The following AVL9 variants were observed in gnomAD, a reference collection of about 807,000 sequenced individuals.
AVL9 encodes AVL9 cell migration associated.
AVL9 carries 49 observed loss-of-function variants against 79.2 expected under a neutral mutation model. That is an observed-to-expected ratio of 0.62 (90% CI 0.49 to 0.79). AVL9 has a LOEUF of 0.79. Ranked by LOEUF, AVL9 falls within the 30% of genes least tolerant of loss-of-function variation. The pLI, the probability that AVL9 is intolerant of heterozygous loss-of-function variation, is 0.00. For missense variants in AVL9, 682 were observed against 776.8 expected, an observed-to-expected ratio of 0.88 and a Z score of 1.45; for synonymous variants, 299 against 280.6, an observed-to-expected ratio of 1.07 and a Z score of -0.65.
At chr7:32,568,205 A>AT (rs66792161) in intron 10 of AVL9, among the ~76,000 whole-genome samples, 32,188 of 143,418 alleles carry the variant, frequency 0.22, 4,626 homozygotes, top group African/African-American at 0.42. Context: ...TTATTTATTT[A>AT]TTTTTTTTTT....
intron 1 of AVL9, among the ~76,000 whole-genome samples, chr7:32,503,367 T>TACACACACACACACACACAC (rs1278670017): frequency 0.021 from 1,826 of 88,072 alleles, 63 homozygotes; most frequent in Non-Finnish European, 0.028. Flanking sequence ...GAGAGATATA[T>TACACACACACACACACACAC]ATATATACAC....
chr7:32,526,911 C>T (rs1788424543), intron 1 of AVL9, among the ~76,000 whole-genome samples: 1 of 152,100 alleles, frequency 6.6e-6, no homozygotes, highest in African/African-American at 2.4e-5. Flanking sequence ...AGGCTCCTCC[C>T]CACTGCGGCA....
chr7:32,585,269 T>A lies in AVL9; in HGVS notation c.*1362T>A, dbSNP rs934280419. ...GTAAGTATTAAATAGAAATCTCATC[T>A]TAGTTTATATTCAGCAAAGTAAGAG... is the stretch of plus-strand genomic sequence containing the variant. On this transcript the variant is annotated 3_prime_UTR_variant, in exon 16 of 16. Coordinates refer to ENST00000318709, the MANE Select transcript of AVL9 (RefSeq NM_015060.3). 6.6e-6 allele frequency: 1 copy of A among 152,198 alleles called. No individual in the cohort carries two copies. Among genetic ancestry groups the A allele is most frequent in the Non-Finnish European group, 1.5e-5 (1 of 68,040 alleles). 9.4% of individuals were successfully genotyped at this position (152,198 alleles called of 1,614,324 possible). A position where few individuals can be genotyped will look rare whatever the true frequency, so the allele number is the denominator to read the frequency against.
chr7:32,552,684 A>T (rs1260500886), intron 6 of AVL9, among the ~76,000 whole-genome samples: 1 of 152,062 alleles, frequency 6.6e-6, no homozygotes, highest in Non-Finnish European at 1.5e-5. Flanking sequence ...CTGGGACCAC[A>T]GGTGCATGCC....
chr7:32,522,997 C>T (rs971086817), intron 1 of AVL9, among the ~76,000 whole-genome samples: 1 of 151,986 alleles, frequency 6.6e-6, no homozygotes, highest in Admixed American at 6.6e-5. Context: ...CCTCCCCAGC[C>T]ATGTGGAACT....
At chr7:32,580,947 C>CT in intron 15 of AVL9, 57 bp downstream of exon 15, 1 of 1,224,102 alleles carries the variant, frequency 8.2e-7, no homozygotes, top group Non-Finnish European at 1.2e-6. Flanking sequence ...CATTTTCTAT[C>CT]TTTAATATGT....
chr7:32,513,425 T>C (rs947246780), intron 1 of AVL9, among the ~76,000 whole-genome samples: 1 of 152,238 alleles, frequency 6.6e-6, no homozygotes, highest in African/African-American at 2.4e-5. Flanking sequence ...TTCATCTGCA[T>C]GATAAAACCT....
rs1299317526 is a variant in AVL9 at position 32,586,500 on chromosome 7, T to C, written c.*2593T>C. 2 of 148,056 alleles carry C rather than the reference T, an allele frequency of 1.4e-5. No individual in the cohort carries two copies. Among genetic ancestry groups the C allele is most frequent in the Non-Finnish European group, 3.0e-5 (2 of 66,934 alleles). 9.2% of individuals were successfully genotyped at this position (148,056 alleles called of 1,614,324 possible). ...CACACACACATACTTCAGGCTTGGA[T>C]TCTAGGCTCCAAGTGGCCAGCATAG... On this transcript the variant is annotated 3_prime_UTR_variant, in exon 16 of 16. Transcript: ENST00000318709.
intron 1 of AVL9, among the ~76,000 whole-genome samples, chr7:32,517,842 T>G (rs1787975510): frequency 6.6e-6 from 1 of 151,924 alleles, no homozygotes; most frequent in Non-Finnish European, 1.5e-5. Flanking sequence ...TTTGTTTTGT[T>G]TTTTTTTGAA....
intron 1 of AVL9, among the ~76,000 whole-genome samples, chr7:32,517,296 TC>T (rs1210002909): frequency 6.6e-6 from 1 of 151,396 alleles, no homozygotes. Context: ...AATCTTTTTT[TC>T]TTTTTCTTTT....
At chr7:32,553,696 T>C in intron 6 of AVL9, 31 bp from the exon 7 acceptor site, 1 of 1,584,512 alleles carries the variant, frequency 6.3e-7, no homozygotes, top group South Asian at 1.1e-5. Context: ...TACATTGTAG[T>C]CACACTTGAG....
At chr7:32,543,645 A>C (rs1423361682) in intron 2 of AVL9, among the ~76,000 whole-genome samples, 1 of 152,178 alleles carries the variant, frequency 6.6e-6, no homozygotes, top group East Asian at 1.9e-4. Flanking sequence ...TCCAGTGCCC[A>C]CCTTAGAAAC....
chr7:32,561,926 A>T (rs1251823504), intron 10 of AVL9, among the ~76,000 whole-genome samples: 1 of 152,200 alleles, frequency 6.6e-6, no homozygotes, highest in Non-Finnish European at 1.5e-5. Context: ...GCCTGAGGAC[A>T]GGGGAAGAGA....
intron 1 of AVL9, among the ~76,000 whole-genome samples, chr7:32,513,817 G>T (rs970494032): frequency 6.6e-6 from 1 of 152,214 alleles, no homozygotes; most frequent in Admixed American, 6.5e-5. Context: ...TTGGTGAGGG[G>T]AATGTGGTGT....
intron 10 of AVL9, among the ~76,000 whole-genome samples, chr7:32,563,270 G>C (rs1790408353): frequency 6.6e-6 from 1 of 151,980 alleles, no homozygotes; most frequent in Non-Finnish European, 1.5e-5. Context: ...GATCTCAGGT[G>C]ATCCACCCAC....
intron 10 of AVL9, among the ~76,000 whole-genome samples, chr7:32,568,878 A>G (rs906442708): frequency 6.6e-5 from 10 of 152,320 alleles, no homozygotes; most frequent in African/African-American, 2.4e-4. Flanking sequence ...ATGCAAAGGT[A>G]TAGATTTATT....
chr7:32,521,188 G>A (rs191830895), intron 1 of AVL9, among the ~76,000 whole-genome samples: 3 of 152,150 alleles, frequency 2.0e-5, no homozygotes, highest in African/African-American at 7.2e-5. Flanking sequence ...GTAGAGTGGG[G>A]CACTGCTGAA....
chr7:32,563,648 T>C (rs1034369312), intron 10 of AVL9, among the ~76,000 whole-genome samples: 6 of 151,846 alleles, frequency 4.0e-5, no homozygotes, highest in African/African-American at 1.5e-4. Context: ...CTGAATACTG[T>C]CTGGTATCCA....
chr7:32,575,921 C>T (rs1186544040), intron 12 of AVL9, 34 bp from the exon 13 acceptor site: 1 of 1,462,812 alleles, frequency 6.8e-7, no homozygotes, highest in Non-Finnish European at 9.6e-7. Context: ...TGGCTACAGC[C>T]CAGCTCAACT....
Sources: gnomAD v4.1 joint callset for allele counts (sites outside exome capture counted in the v4.1 genomes callset) on GRCh38, gnomAD v4.1.1 for gene constraint, MANE v1.5 for transcripts, NCBI Gene and HGNC (gene_info 2026-07-23, HGNC 2026-07-21) for gene names.